Variants in MMP16 observed in about 807,000 individuals in gnomAD.
MMP16 encodes matrix metallopeptidase 16.
MMP16 carries 12 observed loss-of-function variants against 67.8 expected under a neutral mutation model. The ratio of observed to expected loss-of-function variants is 0.18; its 90% CI spans 0.11 to 0.29. The LOEUF is 0.29. Among genes scored for constraint, MMP16 ranks in the 10% least tolerant of loss-of-function variants. The probability of loss-of-function intolerance (pLI) is 1.00; values close to 1 mark genes in which losing one functional copy is unlikely to be tolerated. For missense variants in MMP16, 475 were observed against 765.7 expected (o/e 0.62, Z 4.48); for synonymous variants, 249 against 255.9 (o/e 0.97, Z 0.26).
In MMP16 at chr8:88,046,793, G is replaced by A. The variant is rs1808204579; in HGVS notation, c.1374-9C>T. On this transcript the variant is annotated splice_polypyrimidine_tract_variant and intron_variant, in intron 8 of 9. Coordinates refer to ENST00000286614, the MANE Select transcript of MMP16 (RefSeq NM_005941.5). ...CACTATATCTCCAATATCTACAAAG[G>A]ATAAAAACAACAACAACAAACACAA... is the stretch of plus-strand genomic sequence containing the variant. The A allele has an allele frequency of 6.5e-7, 1 of 1,537,120 alleles. No homozygotes were observed. The highest frequency in any genetic ancestry group is 8.9e-7 in the Non-Finnish European group (1 of 1,126,518).
At chr8:88,090,054 C>T (rs1487165775) in intron 6 of MMP16, among the ~76,000 whole-genome samples, 1 of 151,644 alleles carries the variant, frequency 6.6e-6, no homozygotes, top group South Asian at 2.1e-4. Flanking sequence ...AATGTGGAAG[C>T]GAGGAGAGGA....
At chr8:88,249,867 G>T (rs1181162726) in intron 1 of MMP16, among the ~76,000 whole-genome samples, 1 of 152,026 alleles carries the variant, frequency 6.6e-6, no homozygotes, top group African/African-American at 2.4e-5. Context: ...AAGCAAGAGG[G>T]CCCAACTGGG....
At chr8:88,216,238 T>C (rs887430020) in intron 1 of MMP16, among the ~76,000 whole-genome samples, 82 of 152,078 alleles carry the variant, frequency 5.4e-4, no homozygotes, top group African/African-American at 1.5e-3. Context: ...AAACTAAAAC[T>C]AAAAGTTCTT....
intron 1 of MMP16, among the ~76,000 whole-genome samples, chr8:88,296,741 G>T (rs960527767): frequency 6.6e-6 from 1 of 151,136 alleles, no homozygotes; most frequent in African/African-American, 2.4e-5. Flanking sequence ...GCTACTCAGG[G>T]GGCTGAGGCA....
chr8:88,226,557 T>G (rs2129861172), intron 1 of MMP16, among the ~76,000 whole-genome samples: 1 of 152,216 alleles, frequency 6.6e-6, no homozygotes, highest in South Asian at 2.1e-4. Flanking sequence ...CATGTTTTAG[T>G]TTTTTAAAAT....
At chr8:88,272,271 T>C (rs1367870079) in intron 1 of MMP16, among the ~76,000 whole-genome samples, 2 of 152,204 alleles carry the variant, frequency 1.3e-5, no homozygotes, top group Non-Finnish European at 2.9e-5. Context: ...AGCAATATCA[T>C]CAAGATCATC....
chr8:88,294,439 T>C (rs575989214), intron 1 of MMP16, among the ~76,000 whole-genome samples: 2 of 148,674 alleles, frequency 1.3e-5, no homozygotes, highest in Non-Finnish European at 3.0e-5. Flanking sequence ...TATGTATATG[T>C]CTATATACAC....
chr8:88,214,506 T>C (rs1334886107), intron 1 of MMP16, among the ~76,000 whole-genome samples: 1 of 152,226 alleles, frequency 6.6e-6, no homozygotes, highest in Non-Finnish European at 1.5e-5. Context: ...TTTTTCATTA[T>C]ATTTTAATGA....
chr8:88,324,567 T>A (rs959539936), intron 1 of MMP16, among the ~76,000 whole-genome samples: 8 of 152,110 alleles, frequency 5.3e-5, no homozygotes, highest in Non-Finnish European at 1.2e-4. Flanking sequence ...TGAAAAAAAA[T>A]TTTATGATCA....
intron 1 of MMP16, among the ~76,000 whole-genome samples, chr8:88,224,086 C>A (rs1158532518): frequency 1.3e-5 from 2 of 151,840 alleles, no homozygotes; most frequent in Non-Finnish European, 2.9e-5. Context: ...GGGCCTCTGG[C>A]GGACTGTGAG....
chr8:88,148,904 G>A (rs1025092328), intron 4 of MMP16, among the ~76,000 whole-genome samples: 2 of 152,324 alleles, frequency 1.3e-5, no homozygotes, highest in African/African-American at 4.8e-5. Context: ...CTCCCAGCGT[G>A]AGCGACGCAG....
At chr8:88,292,891 A>G (rs1268889175) in intron 1 of MMP16, among the ~76,000 whole-genome samples, 1 of 152,190 alleles carries the variant, frequency 6.6e-6, no homozygotes, top group African/African-American at 2.4e-5. Context: ...CAGTGACAAT[A>G]GTTTCAATGC....
At chr8:88,126,593 T>C (rs1362346571) in intron 4 of MMP16, among the ~76,000 whole-genome samples, 2 of 151,934 alleles carry the variant, frequency 1.3e-5, no homozygotes, top group African/African-American at 4.8e-5. Context: ...AAATGGTGAC[T>C]ATGTGAGATG....
intron 4 of MMP16, among the ~76,000 whole-genome samples, chr8:88,155,916 T>C (rs1808501731): frequency 1.3e-5 from 2 of 152,160 alleles, no homozygotes; most frequent in Non-Finnish European, 2.9e-5. Context: ...AATGGTATCA[T>C]TCTGTTATTA....
intron 4 of MMP16, among the ~76,000 whole-genome samples, chr8:88,123,722 G>A (rs1807879558): frequency 2.6e-5 from 4 of 151,900 alleles, no homozygotes; most frequent in Admixed American, 2.6e-4. Flanking sequence ...AAGAGGCAGA[G>A]TTGGTATTTA....
intron 1 of MMP16, among the ~76,000 whole-genome samples, chr8:88,323,723 A>G: frequency 6.6e-6 from 1 of 151,080 alleles, no homozygotes; most frequent in East Asian, 2.0e-4. Context: ...ACGATATGAG[A>G]GGTATTACTA....
rs181944332 is a variant in MMP16, at chr8:88,245,258, C to A, written c.133-47952G>T. 2.7e-3 allele frequency among the ~76,000 whole-genome samples: 406 copies of A among 152,272 alleles called. 4 individuals are homozygous for A. The Middle Eastern group carries it at 0.048, about 18-fold the overall frequency. ...TTAGTTTTTACCAAACAAGGTTCTT[C>A]CCACCTGGGGACCAATAAATATACA... On this transcript the variant is annotated intron_variant, in intron 1 of 9. Coordinates refer to ENST00000286614, the MANE Select transcript of MMP16 (RefSeq NM_005941.5).
chr8:88,091,688 A>G (rs906766590), intron 6 of MMP16, among the ~76,000 whole-genome samples: 1 of 151,918 alleles, frequency 6.6e-6, no homozygotes, highest in African/African-American at 2.4e-5. Context: ...TAAAAGAAGT[A>G]ATCAATTAAT....
In MMP16 at chr8:88,179,026, GAGAA is replaced by G. The variant is rs756134276; in HGVS notation, c.404+7446_404+7449del. On this transcript the variant is annotated intron_variant, in intron 3 of 9. Coordinates refer to ENST00000286614, the MANE Select transcript of MMP16 (RefSeq NM_005941.5). ...ACACAATGAAAATACTAGGAGAAGA[GAGAA>G]AGAAATATAAGTAATAATGGTTGAG... 8.9e-4 allele frequency among the ~76,000 whole-genome samples: 135 copies of G among 152,112 alleles called. 3 individuals carry two copies. Among genetic ancestry groups the G allele is most frequent in the Non-Finnish European group, 1.0e-3 (68 of 67,934 alleles).
Sources: allele counts gnomAD v4.1 joint callset (sites outside exome capture counted in the v4.1 genomes callset), GRCh38; gene constraint gnomAD v4.1.1; transcripts MANE v1.5; gene names NCBI Gene and HGNC (gene_info 2026-07-23, HGNC 2026-07-21).